Variants in CNTN4 observed in about 807,000 individuals in gnomAD.
The protein encoded by CNTN4 is contactin-4.
CNTN4 carries 77 observed loss-of-function variants against 122.5 expected under a neutral mutation model. The ratio of observed to expected loss-of-function variants is 0.63; its 90% CI spans 0.52 to 0.76. The LOEUF is 0.76. Among genes scored for constraint, CNTN4 ranks in the 30% least tolerant of loss-of-function variants. CNTN4 has a pLI of 0.00. For synonymous variants in CNTN4, 512 were observed against 447.0 expected, an observed-to-expected ratio of 1.15 and a Z score of -1.83; for missense variants, 1,256 against 1,259.1, an observed-to-expected ratio of 1.00 and a Z score of 0.04.
At chr3:2,314,698 T>C (rs538416348) in intron 2 of CNTN4, among the ~76,000 whole-genome samples, 91 of 152,148 alleles carry the variant, frequency 6.0e-4, no homozygotes, top group African/African-American at 2.1e-3. Flanking sequence ...TTTAATACTG[T>C]AGTAATTTGA....
At chr3:2,974,711 C>A (rs1016282438) in intron 13 of CNTN4, among the ~76,000 whole-genome samples, 6 of 152,146 alleles carry the variant, frequency 3.9e-5, no homozygotes, top group Non-Finnish European at 8.8e-5. Flanking sequence ...GTTTTAGGGA[C>A]AGGGAGAGAC....
intron 3 of CNTN4, among the ~76,000 whole-genome samples, chr3:2,380,497 G>A (rs922902814): frequency 6.6e-6 from 1 of 152,144 alleles, no homozygotes; most frequent in African/African-American, 2.4e-5. Context: ...GAATAGTAAC[G>A]ATGCTTACCA....
intron 6 of CNTN4, among the ~76,000 whole-genome samples, chr3:2,807,783 A>T (rs977461684): frequency 1.1e-4 from 16 of 152,218 alleles, no homozygotes. Flanking sequence ...AGAGTCTTCT[A>T]TTAGCTTTGA....
chr3:2,181,438 C>T (rs187690292), intron 2 of CNTN4, among the ~76,000 whole-genome samples: 23 of 152,070 alleles, frequency 1.5e-4, no homozygotes, highest in Non-Finnish European at 2.4e-4. Context: ...GCCAGTAGAA[C>T]GTATCAAACG....
intron 4 of CNTN4, among the ~76,000 whole-genome samples, chr3:2,586,166 C>T (rs537440950): frequency 3.9e-5 from 6 of 152,300 alleles, no homozygotes; most frequent in Non-Finnish European, 5.9e-5. Context: ...CAAGCATGGC[C>T]TCCCCAGAAC....
At chr3:2,188,805 A>G (rs1168738059) in intron 2 of CNTN4, among the ~76,000 whole-genome samples, 3 of 152,158 alleles carry the variant, frequency 2.0e-5, no homozygotes, top group Non-Finnish European at 2.9e-5. Flanking sequence ...TTGGATGGCA[A>G]TGGGCTTTAC....
chr3:2,117,501 C>T (rs2033438061), intron 2 of CNTN4, among the ~76,000 whole-genome samples: 1 of 152,182 alleles, frequency 6.6e-6, no homozygotes, highest in African/African-American at 2.4e-5. Context: ...ATCAACCTCA[C>T]CCTCAGTCCC....
chr3:2,271,877 A>G (rs1376377020), intron 2 of CNTN4, among the ~76,000 whole-genome samples: 1 of 152,196 alleles, frequency 6.6e-6, no homozygotes, highest in Non-Finnish European at 1.5e-5. Flanking sequence ...TACTTTCTAT[A>G]TCAGAATTTA....
intron 2 of CNTN4, among the ~76,000 whole-genome samples, chr3:2,160,661 C>G (rs1462521693): frequency 1.3e-5 from 2 of 152,166 alleles, no homozygotes; most frequent in African/African-American, 4.8e-5. Context: ...TGTCATCACA[C>G]AGCTCTAGCA....
intron 4 of CNTN4, among the ~76,000 whole-genome samples, chr3:2,664,567 C>A (rs1434733826): frequency 6.6e-6 from 1 of 152,090 alleles, no homozygotes; most frequent in East Asian, 1.9e-4. Context: ...CTCCCATTAT[C>A]CAGGGTTATA....
At chr3:2,982,130 G>C (rs1379116837) in intron 13 of CNTN4, among the ~76,000 whole-genome samples, 1 of 152,158 alleles carries the variant, frequency 6.6e-6, no homozygotes, top group Non-Finnish European at 1.5e-5. Flanking sequence ...CCAAAATTAT[G>C]TGATACAGCT....
chr3:2,428,375 G>T (rs547512712), intron 3 of CNTN4, among the ~76,000 whole-genome samples: 16 of 152,180 alleles, frequency 1.1e-4, no homozygotes, highest in East Asian at 9.7e-4. Context: ...AAAATTCTTT[G>T]CTTTAAGAAT....
intron 2 of CNTN4, among the ~76,000 whole-genome samples, chr3:2,255,886 A>T (rs907259682): frequency 2.0e-5 from 3 of 152,216 alleles, no homozygotes; most frequent in Non-Finnish European, 4.4e-5. Flanking sequence ...AGAACCAGAG[A>T]AGCAAAAGCA....
intron 4 of CNTN4, among the ~76,000 whole-genome samples, chr3:2,596,008 A>G (rs1305789296): frequency 6.6e-6 from 1 of 152,254 alleles, no homozygotes; most frequent in Non-Finnish European, 1.5e-5. Flanking sequence ...CTAAGAGTTT[A>G]TTAGATGACA....
chr3:2,432,841 C>A (rs1168338280), intron 3 of CNTN4, among the ~76,000 whole-genome samples: 3 of 148,138 alleles, frequency 2.0e-5, no homozygotes, highest in South Asian at 2.1e-4. Flanking sequence ...TACGGTCTCA[C>A]TCTGTCACCT....
intron 13 of CNTN4, among the ~76,000 whole-genome samples, chr3:2,983,558 G>T (rs1340669887): frequency 6.6e-6 from 1 of 152,142 alleles, no homozygotes; most frequent in Non-Finnish European, 1.5e-5. Flanking sequence ...TGTCCCGCCT[G>T]GTGTATTTTA....
intron 14 of CNTN4, among the ~76,000 whole-genome samples, chr3:3,004,311 C>A (rs966371939): frequency 6.6e-6 from 1 of 152,124 alleles, no homozygotes; most frequent in South Asian, 2.1e-4. Context: ...CCTGATCCAG[C>A]CTCTACTCTG....
At chr3:2,515,101 T>G (rs1464421807) in intron 3 of CNTN4, among the ~76,000 whole-genome samples, 3 of 152,138 alleles carry the variant, frequency 2.0e-5, no homozygotes, top group Non-Finnish European at 4.4e-5. Context: ...GCATAACCTG[T>G]TTGCGGCTTT....
intron 6 of CNTN4, among the ~76,000 whole-genome samples, chr3:2,787,759 C>G (rs377727183): frequency 4.6e-5 from 7 of 151,538 alleles, no homozygotes; most frequent in Admixed American, 1.3e-4. Flanking sequence ...GTGTACTTAT[C>G]ACACAGTCCT....
Sources: gnomAD v4.1 joint callset for allele counts (sites outside exome capture counted in the v4.1 genomes callset) on GRCh38, gnomAD v4.1.1 for gene constraint, MANE v1.5 for transcripts, NCBI Gene and HGNC (gene_info 2026-07-23, HGNC 2026-07-21) for gene names.